The following FGF13 variants were observed in gnomAD, a reference collection of about 807,000 sequenced individuals.
FGF13 encodes fibroblast growth factor homologous factor 2.
FGF13 carries 2 observed loss-of-function variants against 19.5 expected under a neutral mutation model. The observed-to-expected ratio is 0.10, with a 90% CI of 0.04 to 0.32. FGF13 has a LOEUF of 0.32. FGF13 is among the 10% of genes least tolerant of loss of function. The probability of loss-of-function intolerance (pLI) is 1.00; values close to 1 mark genes in which losing one functional copy is unlikely to be tolerated. For missense variants in FGF13, 113 were observed against 192.7 expected, an observed-to-expected ratio of 0.59 and a Z score of 2.45; for synonymous variants, 72 against 76.9, an observed-to-expected ratio of 0.94 and a Z score of 0.33.
chrX:138,996,189 G>A (rs773143635), intron 1 of FGF13, among the ~76,000 whole-genome samples: 1 of 112,304 alleles, frequency 8.9e-6, no homozygotes. Flanking sequence ...TGGACAGTGG[G>A]CGCAACCCAC....
intron 3 of FGF13, among the ~76,000 whole-genome samples, chrX:138,819,812 T>C (rs898197145): frequency 6.3e-5 from 7 of 111,895 alleles, no homozygotes; most frequent in African/African-American, 1.6e-4. Context: ...ATTATGTTCA[T>C]AATACTTATT....
At chrX:138,802,585 T>A (rs2090837756) in intron 3 of FGF13, among the ~76,000 whole-genome samples, 1 of 111,843 alleles carries the variant, frequency 8.9e-6, no homozygotes, top group Non-Finnish European at 1.9e-5. Flanking sequence ...TGAATTTTTT[T>A]AAGTATCTGA....
At chrX:139,082,586 G>T (rs978036925) in intron 1 of FGF13, among the ~76,000 whole-genome samples, 1 of 111,126 alleles carries the variant, frequency 9.0e-6, no homozygotes, top group Middle Eastern at 4.2e-3. Flanking sequence ...TTAGAGTGAT[G>T]CAGACAAAAG....
chrX:138,942,613 G>C (rs2091763736), intron 1 of FGF13, among the ~76,000 whole-genome samples: 1 of 111,626 alleles, frequency 9.0e-6, no homozygotes, highest in Non-Finnish European at 1.9e-5. Context: ...TTTTATGCTT[G>C]CTACAGAGCT....
In FGF13 at chrX:138,934,996, C is replaced by T. The variant is rs773079185; in HGVS notation, c.-112-70346G>A. Among the ~76,000 whole-genome samples the T allele has an allele frequency of 2.7e-5, 3 of 111,611 alleles. No homozygotes were observed. The East Asian group carries it at 8.5e-4, about 32-fold the overall frequency. Reference sequence around the variant, plus strand: ...ATAAAATTTTCTCCCTCTTCTCCCCCTGCCCTCAGGAGGGCACCCCAAAGA... The same window carrying T: ...ATAAAATTTTCTCCCTCTTCTCCCCTTGCCCTCAGGAGGGCACCCCAAAGA... On this transcript the variant is annotated intron_variant, in intron 1 of 2. Transcript: ENST00000421460.
intron 1 of FGF13, among the ~76,000 whole-genome samples, chrX:139,164,344 T>C (rs1326061215): frequency 1.8e-5 from 2 of 110,954 alleles, no homozygotes; most frequent in African/African-American, 3.3e-5. Flanking sequence ...ATGTACATTA[T>C]GGAGATTAAT....
At chrX:138,894,714 G>A (rs1486719672) in intron 1 of FGF13, among the ~76,000 whole-genome samples, 1 of 110,689 alleles carries the variant, frequency 9.0e-6, no homozygotes, top group East Asian at 2.8e-4. Context: ...TGGATTCACA[G>A]CCGAATTCTA....
chrX:138,885,836 T>A (rs1341327729), intron 1 of FGF13, among the ~76,000 whole-genome samples: 1 of 110,441 alleles, frequency 9.1e-6, no homozygotes, highest in Non-Finnish European at 1.9e-5. Flanking sequence ...TCATTAAATA[T>A]GTGTTAAATA....
At chrX:139,171,117 T>C (rs995596670) in intron 1 of FGF13, among the ~76,000 whole-genome samples, 2 of 110,929 alleles carry the variant, frequency 1.8e-5, no homozygotes, top group African/African-American at 6.6e-5. Flanking sequence ...TGATAATGTC[T>C]TTATGCTTGA....
chrX:138,744,559 C>A (rs980375533), intron 3 of FGF13, among the ~76,000 whole-genome samples: 1 of 111,509 alleles, frequency 9.0e-6, no homozygotes, highest in African/African-American at 3.3e-5. Flanking sequence ...TCTCTTCTTG[C>A]CCATTCACTT....
In FGF13 at chrX:138,913,694, AAGGAAGGAAGG is replaced by A. The variant is rs2091603473; in HGVS notation, c.-112-49055_-112-49045del. ...GAAGGAAGGAAGGAAGGAAGGAAGG[AAGGAAGGAAGG>A]AAAGAAAACTATCAGGGCGAACAAG... On this transcript the variant is annotated intron_variant, in intron 1 of 2. Coordinates refer to the FGF13 transcript ENST00000421460. Among the ~76,000 whole-genome samples the A allele has an allele frequency of 1.1e-4, 11 of 104,662 alleles. 1 individual carries two copies. The highest frequency in any genetic ancestry group is 4.5e-4 in the South Asian group (1 of 2,211). The allele number at this position is 104,662 out of a possible 115,157, so 90.9% of individuals were successfully genotyped here.
intron 1 of FGF13, among the ~76,000 whole-genome samples, chrX:139,017,653 A>G (rs754887511): frequency 9.0e-6 from 1 of 111,457 alleles, no homozygotes; most frequent in East Asian, 2.8e-4. Context: ...CCCTTATCAT[A>G]CAGAATGTCT....
intron 1 of FGF13, among the ~76,000 whole-genome samples, chrX:138,945,280 G>C (rs1820183270): frequency 9.0e-6 from 1 of 110,770 alleles, no homozygotes; most frequent in Non-Finnish European, 1.9e-5. Context: ...ATCCCCTTGT[G>C]GTGCAAAGTT....
At chrX:138,768,649 T>C (rs1191697204) in intron 3 of FGF13, among the ~76,000 whole-genome samples, 1 of 105,584 alleles carries the variant, frequency 9.5e-6, no homozygotes, top group Non-Finnish European at 1.9e-5. Flanking sequence ...AAGTGCAAAA[T>C]GTAAAGTCAA....
intron 3 of FGF13, among the ~76,000 whole-genome samples, chrX:138,789,150 GATT>G (rs1277663455): frequency 9.0e-6 from 1 of 110,692 alleles, no homozygotes; most frequent in Non-Finnish European, 1.9e-5. Flanking sequence ...TTCTATACAG[GATT>G]ATTATTTATT....
At chrX:138,920,188 T>C (rs1329352385) in intron 1 of FGF13, among the ~76,000 whole-genome samples, 1 of 110,899 alleles carries the variant, frequency 9.0e-6, no homozygotes, top group Non-Finnish European at 1.9e-5. Context: ...ATAATAGTAA[T>C]AGAAAAAACA....
rs145137357 is a variant in FGF13, at chrX:138,914,895, G to C, written c.-112-50245C>G. Among the ~76,000 whole-genome samples the C allele has an allele frequency of 2.6e-3, 286 of 110,986 alleles. 2 individuals carry two copies. The highest frequency in any genetic ancestry group is 8.8e-3 in the African/African-American group (269 of 30,532). On this transcript the variant is annotated intron_variant, in intron 1 of 2. Transcript: ENST00000421460. ...ATCTATACTCCACTGGTAACCACTT[G>C]GCACTGCCTGCTCCTGTGCACATGG...
Position 138,630,631 on chromosome X carries a change from A to G in FGF13, c.*2219T>C, listed in dbSNP as rs2089106329. The G allele has an allele frequency of 9.0e-6, 1 of 111,180 alleles. No homozygotes were observed. The highest frequency in any genetic ancestry group is 9.6e-5 in the Admixed American group (1 of 10,384). 9.2% of individuals were successfully genotyped at this position (111,180 alleles called of 1,213,427 possible). On this transcript the variant is annotated 3_prime_UTR_variant, in exon 5 of 5. Transcript: ENST00000315930. ...TAGGAGCTCATGCTGAATCTGGTCC[A>G]AACATCTTAGAAATGAGGAGTCTCC...
intron 1 of FGF13, among the ~76,000 whole-genome samples, chrX:139,202,505 C>T (rs1323655123): frequency 8.9e-6 from 1 of 111,795 alleles, no homozygotes; most frequent in Non-Finnish European, 1.9e-5. Context: ...GAATGCTAGC[C>T]TTGAGCCAGA....
Sources: allele counts gnomAD v4.1 joint callset (sites outside exome capture counted in the v4.1 genomes callset), GRCh38; gene constraint gnomAD v4.1.1; transcripts MANE v1.5; gene names NCBI Gene and HGNC (gene_info 2026-07-23, HGNC 2026-07-21).